Variants in CR1 observed in about 807,000 individuals in gnomAD.
The protein encoded by CR1 is complement receptor type 1.
A neutral mutation model predicts 187.3 loss-of-function variants in CR1; 116 were observed. That is an observed-to-expected ratio of 0.62 (90% CI 0.53 to 0.72). The LOEUF (loss-of-function observed/expected upper bound fraction) is 0.72, where lower values mean the gene tolerates loss of function less well. Among genes scored for constraint, CR1 ranks in the 30% least tolerant of loss-of-function variants. CR1 has a pLI of 0.00. For synonymous variants in CR1, 576 were observed against 747.1 expected, an observed-to-expected ratio of 0.77 and a Z score of 3.73; for missense variants, 1,731 against 2,110.7, an observed-to-expected ratio of 0.82 and a Z score of 3.52.
chr1:207,517,680 C>G (rs1431394035), intron 4 of CR1, among the ~76,000 whole-genome samples: 2 of 152,068 alleles, frequency 1.3e-5, no homozygotes, highest in African/African-American at 4.8e-5. Flanking sequence ...TCTTTAATAG[C>G]TGTAAAACTA....
intron 4 of CR1, among the ~76,000 whole-genome samples, chr1:207,515,456 C>T (rs898039921): frequency 6.6e-6 from 1 of 151,730 alleles, no homozygotes; most frequent in Non-Finnish European, 1.5e-5. Flanking sequence ...TTCCCGATGC[C>T]CTTTCCCAGT....
At chr1:207,589,350 A>C (rs1428728712) in intron 35 of CR1, among the ~76,000 whole-genome samples, 1 of 152,240 alleles carries the variant, frequency 6.6e-6, no homozygotes, top group African/African-American at 2.4e-5. Context: ...AAACTCCAGC[A>C]GACCTGCAGC....
intron 36 of CR1, among the ~76,000 whole-genome samples, chr1:207,609,009 T>C (rs1294526093): frequency 6.6e-6 from 1 of 152,136 alleles, no homozygotes; most frequent in African/African-American, 2.4e-5. Flanking sequence ...ACCTTAACAA[T>C]CTGTGATAAA....
At chr1:207,622,809 AC>A (rs1351619035) in intron 44 of CR1, among the ~76,000 whole-genome samples, 183 bp from the exon 45 acceptor site, 1 of 152,132 alleles carries the variant, frequency 6.6e-6, no homozygotes, top group Non-Finnish European at 1.5e-5. Context: ...TCACACCTTA[AC>A]TTTAATAACC....
At chr1:207,505,789 T>C in intron 1 of CR1, 115 bp from the exon 2 acceptor site, 43 of 1,180,628 alleles carry the variant, frequency 3.6e-5, no homozygotes, top group Middle Eastern at 2.0e-4. Context: ...TGAGCCAAGA[T>C]AGCGCCACTG....
intron 35 of CR1, chr1:207,605,856 T>C (rs1161544803): frequency 6.6e-6 from 1 of 152,220 alleles, no homozygotes; most frequent in African/African-American, 2.4e-5. Flanking sequence ...ATTCAATCAG[T>C]ACCTAAAACG....
intron 19 of CR1, among the ~76,000 whole-genome samples, chr1:207,556,648 C>CATATATATGTATAT (rs1553291419): frequency 1.6e-4 from 6 of 38,216 alleles, no homozygotes; most frequent in African/African-American, 4.4e-4. Flanking sequence ...TGATCTATAT[C>CATATATATGTATAT]ATATATATAT....
intron 4 of CR1, among the ~76,000 whole-genome samples, chr1:207,515,289 A>G (rs1659774541): frequency 6.7e-6 from 1 of 148,918 alleles, no homozygotes; most frequent in Non-Finnish European, 1.5e-5. Context: ...AGGTATATGT[A>G]TACATATATA....
intron 1 of CR1, among the ~76,000 whole-genome samples, chr1:207,502,698 T>A (rs1572985730): frequency 6.6e-6 from 1 of 152,192 alleles, no homozygotes; most frequent in Non-Finnish European, 1.5e-5. Context: ...ATACAGGCTG[T>A]CTGGGAAAAA....
Position 207,616,731 on chromosome 1 carries a change from G to A in CR1, c.6818G>A (p.Cys2273Tyr), listed in dbSNP as rs755578730. 13 of 1,613,856 alleles carry A rather than the reference G, an allele frequency of 8.1e-6. No homozygotes were observed. The South Asian group carries it at 1.4e-4, about 18-fold the overall frequency. ...FNLIGESSIR[C>Y]TSDPQGNGVW... ...CTCATTGGGGAGAGCTCCATCCGCT[G>A]CACAAGTGACCCTCAAGGGAATGGG... The change falls in exon 41 of 47, where the codon TGC becomes TAC. Residue 2273 changes from cysteine (C) to tyrosine (Y), a missense_variant. Physicochemically the swap from Cys to Tyr is radical, Grantham distance 194. Transcript: ENST00000367049.
chr1:207,519,282 G>A (rs1659897335), intron 4 of CR1, among the ~76,000 whole-genome samples: 1 of 151,412 alleles, frequency 6.6e-6, no homozygotes, highest in African/African-American at 2.4e-5. Context: ...TGGTGTGTTT[G>A]GAACATTAAA....
At chr1:207,602,074 G>A (rs1661622579) in intron 35 of CR1, among the ~76,000 whole-genome samples, 1 of 152,000 alleles carries the variant, frequency 6.6e-6, no homozygotes, top group Admixed American at 6.6e-5. Flanking sequence ...TTAGAATCAA[G>A]TCACAAAGCA....
At position 207,496,444 on chromosome 1, in the gene CR1, C is replaced by G. The variant is rs1659088236; in HGVS notation, c.121+56C>G. The G allele has an allele frequency of 2.0e-6, 3 of 1,531,180 alleles. No individual in the cohort carries two copies. In the East Asian group the frequency reaches 7.1e-5, roughly 36 times the overall value. The allele number at this position is 1,531,180 out of a possible 1,614,324, so 94.8% of individuals were successfully genotyped here. ...CGGGCGGACGAGGAACCCGGGGCCC[C>G]GCAGAGAACTCGCGTGCAGCGCTGA... On this transcript the variant is annotated intron_variant, in intron 1 of 46. Transcript: ENST00000367049.
At position 207,608,713 on chromosome 1, in the gene CR1, A is replaced by G. The variant is rs553383681; in HGVS notation, c.5897-577A>G. On this transcript the variant is annotated intron_variant, in intron 36 of 46. Transcript: ENST00000367049. The stretch of plus-strand genomic sequence containing the variant: ...CTTTTATAAAAAAATTTCCACTTCT[A>G]CATTTATAGGTCAGTGATCATTTAA... Among the ~76,000 whole-genome samples, 10 of 152,278 alleles carry G rather than the reference A, an allele frequency of 6.6e-5. No individual in the cohort carries two copies. The South Asian group carries it at 1.7e-3, about 25-fold the overall frequency.
intron 13 of CR1, among the ~76,000 whole-genome samples, chr1:207,543,070 GC>G (rs1347207088): frequency 7.3e-5 from 1 of 13,736 alleles, no homozygotes; most frequent in Non-Finnish European, 2.1e-4. Flanking sequence ...TCCTGCCTGA[GC>G]CTCCCAAGTA....
chr1:207,564,740 G>T (rs1660439455), intron 23 of CR1, among the ~76,000 whole-genome samples: 1 of 150,100 alleles, frequency 6.7e-6, no homozygotes, highest in Admixed American at 6.6e-5. Flanking sequence ...GGTGGAGTTT[G>T]CAGTGAGCCG....
chr1:207,524,699 T>C (rs6661489), intron 5 of CR1, among the ~76,000 whole-genome samples: 127,905 of 151,810 alleles, frequency 0.84, 54,422 homozygotes, highest in African/African-American at 0.94. Flanking sequence ...CTATGTTTTA[T>C]AGAGAATATG....
At chr1:207,614,332 A>C (rs1448855745) in intron 39 of CR1, 72 bp from the exon 40 acceptor site, 1 of 1,171,822 alleles carries the variant, frequency 8.5e-7, no homozygotes, top group African/African-American at 1.5e-5. Flanking sequence ...GAAGCTGAGC[A>C]TCTATTAGCG....
chr1:207,526,538 C>T (rs1332177962), intron 5 of CR1, among the ~76,000 whole-genome samples: 1 of 151,280 alleles, frequency 6.6e-6, no homozygotes, highest in Non-Finnish European at 1.5e-5. Flanking sequence ...TTGGAGATAC[C>T]TCTGTTTTAG....
Sources: gnomAD v4.1 joint callset for allele counts (sites outside exome capture counted in the v4.1 genomes callset) on GRCh38, gnomAD v4.1.1 for gene constraint, MANE v1.5 for transcripts, NCBI Gene and HGNC (gene_info 2026-07-23, HGNC 2026-07-21) for gene names.